VAT1L: variants seen among roughly 807,000 people sequenced by gnomAD.
VAT1L encodes the protein putative NADPH-dependent quinone oxidoreductase VAT1L.
In VAT1L, 34 loss-of-function variants were observed where a neutral mutation model predicts 44.1. The observed-to-expected ratio is 0.77, with a 90% CI of 0.59 to 1.03. The LOEUF is 1.03. Among genes scored for constraint, VAT1L ranks in the 50% least tolerant of loss-of-function variants. The pLI, the probability that VAT1L is intolerant of heterozygous loss-of-function variation, is 0.00. For synonymous variants in VAT1L, 253 were observed against 202.2 expected (o/e 1.25, Z -2.13); for missense variants, 615 against 538.8 (o/e 1.14, Z -1.40).
chr16:77,956,611 C>A (rs1272915256), intron 7 of VAT1L, among the ~76,000 whole-genome samples: 3 of 152,188 alleles, frequency 2.0e-5, no homozygotes, highest in African/African-American at 7.2e-5. Context: ...CCCATTACAA[C>A]CTATGGGCAT....
At chr16:77,872,797 G>A (rs918821193) in intron 4 of VAT1L, among the ~76,000 whole-genome samples, 45 of 152,284 alleles carry the variant, frequency 3.0e-4, no homozygotes, top group African/African-American at 1.1e-3. Context: ...ATGAGCTCCT[G>A]GATGGTGAGG....
Position 77,974,666 on chromosome 16 carries a change from G to C in VAT1L, c.1161+2733G>C, listed in dbSNP as rs1014819824. ...CAACCTCTGCCTCCTGGGTTCAAGC[G>C]ATCCTCCCACCTCAGTCTCCTGAGT... On this transcript the variant is annotated intron_variant, in intron 8 of 8. Coordinates refer to ENST00000302536, the MANE Select transcript of VAT1L (RefSeq NM_020927.3). 2.6e-5 allele frequency among the ~76,000 whole-genome samples: 4 copies of C among 152,030 alleles called. No homozygotes were observed. In the East Asian group the frequency reaches 7.7e-4, roughly 29 times the overall value.
At chr16:77,807,570 G>C (rs1039233368) in intron 1 of VAT1L, among the ~76,000 whole-genome samples, 2 of 152,126 alleles carry the variant, frequency 1.3e-5, no homozygotes, top group Admixed American at 1.3e-4. Flanking sequence ...TCTAGGAGTT[G>C]TCTTTTAGAA....
chr16:77,949,613 G>C (rs2018015777), intron 7 of VAT1L, among the ~76,000 whole-genome samples: 1 of 152,134 alleles, frequency 6.6e-6, no homozygotes, highest in South Asian at 2.1e-4. Flanking sequence ...TTGCTAAAAA[G>C]AGCCTAGTGC....
chr16:77,810,795 A>C (rs1196210820), intron 1 of VAT1L, among the ~76,000 whole-genome samples: 1 of 152,238 alleles, frequency 6.6e-6, no homozygotes, highest in Non-Finnish European at 1.5e-5. Flanking sequence ...AAGATCCATA[A>C]AGCCAATCCT....
chr16:77,882,234 C>A (rs755663789), intron 6 of VAT1L: 3 of 152,184 alleles, frequency 2.0e-5, no homozygotes, highest in African/African-American at 7.2e-5. Flanking sequence ...TAAAGGTCGA[C>A]TGGAATTATA....
At chr16:77,970,699 C>T (rs1388839697) in intron 7 of VAT1L, among the ~76,000 whole-genome samples, 1 of 152,052 alleles carries the variant, frequency 6.6e-6, no homozygotes, top group African/African-American at 2.4e-5. Flanking sequence ...AAGTTTTTTT[C>T]CCCATAATTT....
Position 77,898,593 on chromosome 16 carries a change from A to G in VAT1L, c.1077+13791A>G, listed in dbSNP as rs1429062. On this transcript the variant is annotated intron_variant, in intron 7 of 8. Coordinates refer to ENST00000302536, the MANE Select transcript of VAT1L (RefSeq NM_020927.3). ...CCTCCTCTGTGGGGTTGCTGTGAAA[A>G]TATCATGAGGCTGTGTGTGCAGGGC... Among the ~76,000 whole-genome samples the G allele has an allele frequency of 9.9e-3, 1,438 of 144,866 alleles. 72 individuals are homozygous for G. Among genetic ancestry groups the G allele is most frequent in the Admixed American group, 0.089 (1,268 of 14,302 alleles).
chr16:77,925,396 T>C (rs1199274159), intron 7 of VAT1L, among the ~76,000 whole-genome samples: 1 of 152,180 alleles, frequency 6.6e-6, no homozygotes, highest in African/African-American at 2.4e-5. Context: ...CTCGATCAAG[T>C]GGCTTGAGTT....
chr16:77,871,060 A>C (rs1246581851), intron 4 of VAT1L, among the ~76,000 whole-genome samples: 2 of 152,194 alleles, frequency 1.3e-5, no homozygotes, highest in African/African-American at 4.8e-5. Flanking sequence ...GAGGTGGAGC[A>C]CTTTTCAATT....
intron 1 of VAT1L, among the ~76,000 whole-genome samples, chr16:77,815,068 C>G (rs1264147833): frequency 6.6e-6 from 1 of 152,080 alleles, no homozygotes; most frequent in African/African-American, 2.4e-5. Context: ...GTAACTTTTC[C>G]CAGGTTATAG....
chr16:77,825,109 C>G, intron 2 of VAT1L, 137 bp from the exon 3 acceptor site: 2 of 832,496 alleles, frequency 2.4e-6, no homozygotes, highest in Non-Finnish European at 3.9e-6. Context: ...TTGATTGATT[C>G]ACCCACCTCA....
Position 77,825,293 on chromosome 16 carries a change from G to C in VAT1L, c.411G>C (p.Glu137Asp). The C allele has an allele frequency of 6.2e-7, 1 of 1,614,192 alleles. No homozygotes were observed. Among genetic ancestry groups the C allele is most frequent in the Non-Finnish European group, 8.5e-7 (1 of 1,180,044 alleles). Residue 137 changes from glutamate to aspartate, a missense_variant, in exon 3 of 9, where the codon GAG (glutamate) becomes GAC (aspartate). Physicochemically the swap from Glu to Asp is conservative, Grantham distance 45. Coordinates refer to ENST00000302536, the MANE Select transcript of VAT1L (RefSeq NM_020927.3). Reference sequence around the variant, plus strand: ...TTGTCAATTACAATGCCTGGGCAGAGGTGGTCTGCACACCAGTGGAGTTTG... The same window carrying C: ...TTGTCAATTACAATGCCTGGGCAGACGTGGTCTGCACACCAGTGGAGTTTG... ...MAFVNYNAWA[E>D]VVCTPVEFVY...
At chr16:77,936,298 A>T (rs574964315) in intron 7 of VAT1L, among the ~76,000 whole-genome samples, 1 of 152,202 alleles carries the variant, frequency 6.6e-6, no homozygotes, top group South Asian at 2.1e-4. Context: ...ACAATTTTCC[A>T]CTTTAGAGCT....
At chr16:77,964,135 C>G (rs902498032) in intron 7 of VAT1L, among the ~76,000 whole-genome samples, 1 of 152,118 alleles carries the variant, frequency 6.6e-6, no homozygotes, top group Admixed American at 6.5e-5. Context: ...TATGTTCCCC[C>G]TCTCCCTGAA....
chr16:77,976,406 G>A (rs964080957), intron 8 of VAT1L, among the ~76,000 whole-genome samples: 1 of 152,190 alleles, frequency 6.6e-6, no homozygotes, highest in African/African-American at 2.4e-5. Context: ...TGGGCAGAGG[G>A]GGTAGAGGAA....
At chr16:77,896,079 A>G (rs1287776464) in intron 7 of VAT1L, among the ~76,000 whole-genome samples, 1 of 152,160 alleles carries the variant, frequency 6.6e-6, no homozygotes, top group Non-Finnish European at 1.5e-5. Context: ...AATGGAGGGG[A>G]GAGGAAACGG....
intron 2 of VAT1L, among the ~76,000 whole-genome samples, chr16:77,824,908 C>G (rs2016501130): frequency 7.2e-6 from 1 of 138,592 alleles, no homozygotes; most frequent in African/African-American, 2.7e-5. Flanking sequence ...GCTTTGTTGC[C>G]CAGGCTGGAG....
intron 7 of VAT1L, among the ~76,000 whole-genome samples, chr16:77,892,120 G>C (rs559965842): frequency 1.3e-5 from 2 of 152,262 alleles, no homozygotes; most frequent in African/African-American, 4.8e-5. Context: ...AGGTGGAATG[G>C]CCCGAGTCAA....
Sources: allele counts gnomAD v4.1 joint callset (sites outside exome capture counted in the v4.1 genomes callset), GRCh38; gene constraint gnomAD v4.1.1; transcripts MANE v1.5; gene names NCBI Gene and HGNC (gene_info 2026-07-23, HGNC 2026-07-21).